Variants in ABCB4 observed in about 807,000 individuals in gnomAD.
ABCB4 encodes ATP binding cassette subfamily B member 4, also known as phosphatidylcholine translocator ABCB4.
Under a neutral mutation model 145.7 loss-of-function variants are expected in ABCB4, and 76 were observed. That is an observed-to-expected ratio of 0.52 (90% CI 0.43 to 0.63). The LOEUF is 0.63. ABCB4 is among the 30% of genes least tolerant of loss of function. The pLI, the probability that ABCB4 is intolerant of heterozygous loss-of-function variation, is 0.00. For synonymous variants in ABCB4, 517 were observed against 566.8 expected (o/e 0.91, Z 1.25); for missense variants, 1,234 against 1,553.1 (o/e 0.79, Z 3.45).
chr7:87,459,840 A>T (rs575639944), intron 4 of ABCB4, among the ~76,000 whole-genome samples: 1 of 152,324 alleles, frequency 6.6e-6, no homozygotes, highest in East Asian at 1.9e-4. Flanking sequence ...ACCATACATG[A>T]ACAGATAAAG....
intron 2 of ABCB4, among the ~76,000 whole-genome samples, chr7:87,473,887 T>C (rs1318284202): frequency 1.3e-5 from 2 of 152,210 alleles, no homozygotes; most frequent in Non-Finnish European, 2.9e-5. Context: ...TGCCACTAAA[T>C]ATGTTCAAAA....
rs45451092 is a variant in ABCB4 at position 87,440,026 on chromosome 7, C to T, written c.1560+173G>A. On this transcript the variant is annotated intron_variant, in intron 13 of 27. Transcript: ENST00000649586. ...ATGCTGTATAAAATTTTATATTAAT[C>T]ATCTACCATGCTATAATCCTTTAAC... Among the ~76,000 whole-genome samples the T allele has an allele frequency of 1.2e-3, 185 of 152,262 alleles. 1 individual carries two copies. Among genetic ancestry groups the T allele is most frequent in the African/African-American group, 4.1e-3 (170 of 41,548 alleles).
chr7:87,427,407 C>G (rs1447337990), intron 15 of ABCB4, among the ~76,000 whole-genome samples: 6 of 152,154 alleles, frequency 3.9e-5, no homozygotes, highest in African/African-American at 1.2e-4. Flanking sequence ...CACAGTCCTG[C>G]TCTCATGCAC....
the ABCB4 span, among the ~76,000 whole-genome samples, chr7:87,391,081 C>T: frequency 1.5e-4 from 23 of 152,230 alleles, no homozygotes; most frequent in African/African-American, 5.3e-4. Flanking sequence ...GCATTCAGTT[C>T]CTCCCTAGCT....
chr7:87,391,448 C>T, the ABCB4 span: 1 of 750,194 alleles, frequency 1.3e-6, no homozygotes, highest in Non-Finnish European at 2.0e-6. Context: ...GAAATAGGCT[C>T]TTTTTTGTTG....
chr7:87,407,946 T>C (rs1808322845), intron 25 of ABCB4, 91 bp downstream of exon 25: 6 of 1,525,530 alleles, frequency 3.9e-6, no homozygotes, highest in Non-Finnish European at 5.4e-6. Context: ...GGATTCTAGG[T>C]CTACATTTGT....
chr7:87,431,762 T>C (rs1361870723), intron 14 of ABCB4, among the ~76,000 whole-genome samples, 197 bp from the exon 15 acceptor site: 1 of 152,208 alleles, frequency 6.6e-6, no homozygotes, highest in Non-Finnish European at 1.5e-5. Context: ...ACCAGACAAG[T>C]GGCTAACCCC....
the ABCB4 span, chr7:87,382,307 A>G: frequency 6.9e-7 from 1 of 1,442,764 alleles, no homozygotes. Context: ...AACACCTTTA[A>G]TTCTTTATGT....
the ABCB4 span, among the ~76,000 whole-genome samples, chr7:87,366,260 A>G: frequency 6.6e-6 from 1 of 151,364 alleles, no homozygotes; most frequent in African/African-American, 2.4e-5. Flanking sequence ...TTTCTTTTAT[A>G]TAGCACTACA....
At chr7:87,371,901 G>A in the ABCB4 span, among the ~76,000 whole-genome samples, 1 of 151,660 alleles carries the variant, frequency 6.6e-6, no homozygotes, top group East Asian at 1.9e-4. Context: ...GGCTGGGGTG[G>A]GAGGATCACT....
chr7:87,459,500 A>G (rs1812312465), intron 4 of ABCB4, among the ~76,000 whole-genome samples: 1 of 152,186 alleles, frequency 6.6e-6, no homozygotes, highest in African/African-American at 2.4e-5. Context: ...GCTGAATAAT[A>G]TTCCATTGTA....
At chr7:87,382,040 A>G in the ABCB4 span, 15 of 1,573,098 alleles carry the variant, frequency 9.5e-6, no homozygotes, top group Admixed American at 2.5e-4. Context: ...ATAGTTCTAT[A>G]GATAAAATAT....
intron 14 of ABCB4, among the ~76,000 whole-genome samples, chr7:87,437,969 A>G (rs1810720296): frequency 6.6e-6 from 1 of 152,242 alleles, no homozygotes; most frequent in Non-Finnish European, 1.5e-5. Context: ...ACTTGTCCAA[A>G]TACGTACTAA....
Position 87,444,995 on chromosome 7 carries a change from G to A in ABCB4, c.1006-20C>T. ...AAAAACCTGAGCAAAATAACATGAG[G>A]AAAAGTTTAAGTCACATTCTGGCAT... is the stretch of plus-strand genomic sequence containing the variant. On this transcript the variant is annotated intron_variant, in intron 9 of 27. Coordinates refer to ENST00000649586, the MANE Select transcript of ABCB4 (RefSeq NM_000443.4). 1.3e-6 allele frequency: 2 copies of A among 1,527,484 alleles called. No individual in the cohort carries two copies. The highest frequency in any genetic ancestry group is 1.8e-6 in the Non-Finnish European group (2 of 1,116,496). The allele number at this position is 1,527,484 out of a possible 1,614,324, so 94.6% of individuals were successfully genotyped here.
chr7:87,408,553 A>G (rs895585079), intron 24 of ABCB4, among the ~76,000 whole-genome samples: 3 of 152,186 alleles, frequency 2.0e-5, no homozygotes, highest in Non-Finnish European at 4.4e-5. Context: ...TGTCCAAAAG[A>G]CTCTAAAGGC....
In ABCB4 at chr7:87,426,855, C is replaced by T; in HGVS notation, c.1959G>A (p.Met653Ile). 6.2e-7 allele frequency: 1 copy of T among 1,613,820 alleles called. No homozygotes were observed. The highest frequency in any genetic ancestry group is 1.1e-5 in the South Asian group (1 of 91,066). ...ELNDEKAATR[M>I]APNGWKSRLF... ...GGCGAGATTTCCAGCCATTTGGGGC[C>T]ATTCTAGTGGCAGCCTTTTCATCAT... Residue 653 changes from methionine to isoleucine, a missense_variant, in exon 16 of 28, where the codon ATG becomes ATA. Met to Ile is a conservative substitution (Grantham distance 10, BLOSUM62 1). Transcript: ENST00000649586.
At chr7:87,472,231 GTTT>G (rs1006383594) in intron 3 of ABCB4, among the ~76,000 whole-genome samples, 6 of 152,068 alleles carry the variant, frequency 3.9e-5, no homozygotes, top group Non-Finnish European at 8.8e-5. Context: ...TGTTGTCGTT[GTTT>G]TTGAGACAGG....
chr7:87,378,586 A>G, the ABCB4 span, among the ~76,000 whole-genome samples: 1 of 152,138 alleles, frequency 6.6e-6, no homozygotes, highest in Non-Finnish European at 1.5e-5. Context: ...TGATTGTTGT[A>G]CCAACAGTCT....
intron 14 of ABCB4, among the ~76,000 whole-genome samples, chr7:87,436,992 A>C (rs1810651615): frequency 6.6e-6 from 1 of 152,192 alleles, no homozygotes; most frequent in South Asian, 2.1e-4. Context: ...AGATGCTATC[A>C]CTGTATGAAC....
Sources: allele counts gnomAD v4.1 joint callset (sites outside exome capture counted in the v4.1 genomes callset), GRCh38; gene constraint gnomAD v4.1.1; transcripts MANE v1.5; gene names NCBI Gene and HGNC (gene_info 2026-07-23, HGNC 2026-07-21).